The following PLCB1 variants were observed in gnomAD, a reference collection of about 807,000 sequenced individuals.
PLCB1 encodes the protein 1-phosphatidylinositol 4,5-bisphosphate phosphodiesterase beta-1.
PLCB1 carries 46 observed loss-of-function variants against 161.8 expected under a neutral mutation model. The ratio of observed to expected loss-of-function variants is 0.28; its 90% CI spans 0.22 to 0.36. The LOEUF (loss-of-function observed/expected upper bound fraction) is 0.36. Among genes scored for constraint, PLCB1 ranks in the 10% least tolerant of loss-of-function variants. PLCB1 has a pLI of 1.00. For missense variants in PLCB1, 1,016 were observed against 1,472.5 expected (o/e 0.69, Z 5.07); for synonymous variants, 517 against 503.7 (o/e 1.03, Z -0.35).
At chr20:8,377,734 G>A (rs946247672) in intron 3 of PLCB1, among the ~76,000 whole-genome samples, 4 of 152,162 alleles carry the variant, frequency 2.6e-5, no homozygotes, top group Non-Finnish European at 5.9e-5. Context: ...GGAGAATTGG[G>A]TTGCCATGTC....
chr20:8,716,349 G>C lies in PLCB1; in HGVS notation c.1335+1G>C. On this transcript the variant is annotated splice_donor_variant, in intron 13 of 31. Coordinates refer to ENST00000338037, the MANE Select transcript of PLCB1 (RefSeq NM_015192.4). LOFTEE classifies it high-confidence loss of function. Reference sequence around the variant, plus strand: ...CATGGAGCCCCTGGAAAAATATCCAGTAAGCAGTTCTGATGTTTGTCCTTG... The same window carrying C: ...CATGGAGCCCCTGGAAAAATATCCACTAAGCAGTTCTGATGTTTGTCCTTG... The C allele has an allele frequency of 1.9e-6, 3 of 1,608,414 alleles. No individual in the cohort carries two copies. Among genetic ancestry groups the C allele is most frequent in the Non-Finnish European group, 1.7e-6 (2 of 1,174,842 alleles).
chr20:8,234,028 G>A (rs764932621), intron 2 of PLCB1, among the ~76,000 whole-genome samples: 2 of 152,064 alleles, frequency 1.3e-5, no homozygotes, highest in Non-Finnish European at 2.9e-5. Flanking sequence ...GCATTGCTAT[G>A]GGTATTCTAG....
chr20:8,869,262 A>G (rs1987533650), intron 31 of PLCB1, among the ~76,000 whole-genome samples: 1 of 152,090 alleles, frequency 6.6e-6, no homozygotes, highest in Non-Finnish European at 1.5e-5. Context: ...TCATTTTTGT[A>G]CAATCAAAAT....
intron 2 of PLCB1, among the ~76,000 whole-genome samples, chr20:8,254,567 GA>G (rs11476371): frequency 0.22 from 32,846 of 149,916 alleles, 3,976 homozygotes; most frequent in Non-Finnish European, 0.28. Flanking sequence ...GCTTAATCAA[GA>G]AAAAAAAAGG....
intron 3 of PLCB1, among the ~76,000 whole-genome samples, chr20:8,580,221 CA>C (rs1213957908): frequency 6.6e-6 from 1 of 152,086 alleles, no homozygotes; most frequent in African/African-American, 2.4e-5. Context: ...GTCAAAGCAT[CA>C]AAAATACAGA....
chr20:8,648,190 G>A (rs1178632613), intron 6 of PLCB1, among the ~76,000 whole-genome samples: 1 of 152,188 alleles, frequency 6.6e-6, no homozygotes, highest in East Asian at 1.9e-4. Context: ...GGAAGTGGGT[G>A]GAGGAAGTGG....
chr20:8,252,295 T>C (rs977799737), intron 2 of PLCB1, among the ~76,000 whole-genome samples: 10 of 152,106 alleles, frequency 6.6e-5, no homozygotes, highest in Middle Eastern at 6.8e-3. Context: ...TCTTCTAGAC[T>C]GTAATGAATA....
chr20:8,720,047 A>G (rs1239842946), intron 14 of PLCB1, among the ~76,000 whole-genome samples: 1 of 152,156 alleles, frequency 6.6e-6, no homozygotes. Context: ...CATTTTTTCA[A>G]AAATAATTTC....
intron 31 of PLCB1, among the ~76,000 whole-genome samples, chr20:8,798,684 C>T (rs2146235484): frequency 6.6e-6 from 1 of 152,264 alleles, no homozygotes; most frequent in African/African-American, 2.4e-5. Flanking sequence ...ATCAACCAGA[C>T]ACATAAATCA....
At chr20:8,634,028 G>A (rs1285748350) in intron 4 of PLCB1, among the ~76,000 whole-genome samples, 1 of 152,136 alleles carries the variant, frequency 6.6e-6, no homozygotes, top group Non-Finnish European at 1.5e-5. Context: ...CATTCTTGTA[G>A]TTGTACGTTT....
At chr20:8,185,911 A>G (rs1166343889) in intron 2 of PLCB1, among the ~76,000 whole-genome samples, 1 of 152,170 alleles carries the variant, frequency 6.6e-6, no homozygotes, top group Non-Finnish European at 1.5e-5. Context: ...TGCTGCATGA[A>G]TGAGGATATC....
chr20:8,213,678 G>C (rs1191485565), intron 2 of PLCB1, among the ~76,000 whole-genome samples: 2 of 151,846 alleles, frequency 1.3e-5, no homozygotes, highest in Admixed American at 6.6e-5. Flanking sequence ...AAGGGAAATG[G>C]TGGTGGTGGT....
intron 2 of PLCB1, among the ~76,000 whole-genome samples, chr20:8,231,728 GCC>G (rs1372186548): frequency 0.067 from 4 of 60 alleles, no homozygotes; most frequent in Non-Finnish European, 0.2. Context: ...AAACAGGAGA[GCC>G]CTGTGCAGGG....
chr20:8,457,645 A>T (rs1981375310), intron 3 of PLCB1, among the ~76,000 whole-genome samples: 1 of 151,954 alleles, frequency 6.6e-6, no homozygotes, highest in African/African-American at 2.4e-5. Context: ...TTGTCAAGTA[A>T]TGAACTGCAT....
chr20:8,881,818 T>C lies in PLCB1; in HGVS notation c.3620T>C (p.Ile1207Thr). The change falls in exon 32 of 32, where the codon ATC becomes ACC. Residue 1207 changes from isoleucine to threonine, a missense_variant. Coordinates refer to ENST00000338037, the MANE Select transcript of PLCB1 (RefSeq NM_015192.4). Reference protein sequence around the residue: ...TPSSEELGGDIPGKEFDTPL With the variant: ...TPSSEELGGDTPGKEFDTPL Reference sequence around the variant, plus strand: ...TCCAGTGAGGAGCTGGGAGGAGACATCCCAGGAAAAGAATTTGATACTCCT... The same window carrying C: ...TCCAGTGAGGAGCTGGGAGGAGACACCCCAGGAAAAGAATTTGATACTCCT... 2 of 1,613,924 alleles carry C rather than the reference T, an allele frequency of 1.2e-6. No individual in the cohort carries two copies. The highest frequency in any genetic ancestry group is 1.7e-6 in the Non-Finnish European group (2 of 1,179,860).
chr20:8,318,735 A>G (rs1046263854), intron 2 of PLCB1, among the ~76,000 whole-genome samples: 1 of 152,192 alleles, frequency 6.6e-6, no homozygotes. Flanking sequence ...AAAAGCAACT[A>G]AGAAAAAATT....
rs115174743 is a variant in PLCB1, at chr20:8,427,791, G to A, written c.246+56341G>A. On this transcript the variant is annotated intron_variant, in intron 3 of 31. Transcript: ENST00000338037. Reference sequence around the variant, plus strand: ...GCTTCTCTTGGAGCCCTATAGACCAGCTGGCGTCAGTAGTTTTACTGGTAT... The same window carrying A: ...GCTTCTCTTGGAGCCCTATAGACCAACTGGCGTCAGTAGTTTTACTGGTAT... Among the ~76,000 whole-genome samples the A allele has an allele frequency of 3.3e-3, 507 of 152,280 alleles. 4 individuals carry two copies. The highest frequency in any genetic ancestry group is 0.012 in the African/African-American group (489 of 41,558).
chr20:8,156,330 A>G (rs912466251), intron 2 of PLCB1, among the ~76,000 whole-genome samples: 1 of 152,220 alleles, frequency 6.6e-6, no homozygotes, highest in Non-Finnish European at 1.5e-5. Flanking sequence ...AGTTACCCAC[A>G]GTGGCAACTG....
At chr20:8,771,155 C>G (rs1600313254) in intron 26 of PLCB1, among the ~76,000 whole-genome samples, 1 of 151,996 alleles carries the variant, frequency 6.6e-6, no homozygotes, top group Non-Finnish European at 1.5e-5. Flanking sequence ...GTTATAACTA[C>G]AAAATACACA....
Sources: allele counts gnomAD v4.1 joint callset (sites outside exome capture counted in the v4.1 genomes callset), GRCh38; gene constraint gnomAD v4.1.1; transcripts MANE v1.5; gene names NCBI Gene and HGNC (gene_info 2026-07-23, HGNC 2026-07-21).